Variants in PHF2 observed in about 807,000 individuals in gnomAD.
PHF2 encodes the protein lysine-specific demethylase PHF2.
In PHF2, 27 loss-of-function variants were observed where a neutral mutation model predicts 120.5. That is an observed-to-expected ratio of 0.22 (90% confidence interval 0.17 to 0.31). The LOEUF is 0.31. Ranked by LOEUF, PHF2 falls within the 10% of genes least tolerant of loss-of-function variation. PHF2 has a pLI of 1.00. For missense variants in PHF2, 1,024 were observed against 1,434.8 expected (o/e 0.71, Z 4.63); for synonymous variants, 568 against 592.5 (o/e 0.96, Z 0.60).
chr9:93,645,574 C>G (rs1826242198), intron 3 of PHF2, 55 bp from the exon 4 acceptor site: 1 of 1,496,204 alleles, frequency 6.7e-7, no homozygotes, highest in South Asian at 1.3e-5. Context: ...CCACACCTGT[C>G]CCGGTGCAGG....
At chr9:93,675,284 G>A (rs550725848) in intron 19 of PHF2, among the ~76,000 whole-genome samples, 2 of 152,342 alleles carry the variant, frequency 1.3e-5, no homozygotes, top group East Asian at 1.9e-4. Flanking sequence ...TCCTCTGGCT[G>A]GCTCCTCTCT....
chr9:93,666,139 A>G, intron 16 of PHF2, 79 bp downstream of exon 16: 2 of 1,486,554 alleles, frequency 1.3e-6, no homozygotes, highest in Non-Finnish European at 9.3e-7. Context: ...GAGTGACTCC[A>G]GGGCGGTCTC....
At position 93,655,814 on chromosome 9, in the gene PHF2, G is replaced by A. The variant is rs1171097979; in HGVS notation, c.953-120G>A. ...ACCAAGGTGTAGGCGGGCAGGAGCTGGAGCCTGGGCTGGGCCGGGAAAGGC... is the reference window on the plus strand; with the variant it reads ...ACCAAGGTGTAGGCGGGCAGGAGCTAGAGCCTGGGCTGGGCCGGGAAAGGC... On this transcript the variant is annotated intron_variant, in intron 7 of 21. Transcript: ENST00000359246. 8 of 687,512 alleles carry A rather than the reference G, an allele frequency of 1.2e-5. No individual in the cohort carries two copies. The East Asian group carries it at 2.3e-4, about 20-fold the overall frequency. 42.6% of individuals were successfully genotyped at this position (687,512 alleles called of 1,614,324 possible). A position where few individuals can be genotyped will look rare whatever the true frequency, so the allele number is the denominator to read the frequency against.
At chr9:93,603,257 G>T (rs1825478400) in intron 1 of PHF2, among the ~76,000 whole-genome samples, 1 of 152,158 alleles carries the variant, frequency 6.6e-6, no homozygotes, top group East Asian at 1.9e-4. Context: ...AGACCCCAGG[G>T]TCAGAGGCAC....
At chr9:93,657,372 C>G (rs891020129) in intron 9 of PHF2, among the ~76,000 whole-genome samples, 2 of 152,164 alleles carry the variant, frequency 1.3e-5, no homozygotes, top group Admixed American at 6.5e-5. Flanking sequence ...TCCCACTGTT[C>G]CCCAAATCTG....
chr9:93,651,451 G>A lies in PHF2; in HGVS notation c.603-1728G>A, dbSNP rs535698453. 3.3e-5 allele frequency among the ~76,000 whole-genome samples: 5 copies of A among 152,286 alleles called. No individual in the cohort carries two copies. In the East Asian group the frequency reaches 9.7e-4, roughly 29 times the overall value. On this transcript the variant is annotated intron_variant, in intron 5 of 21. Transcript: ENST00000359246. ...TTTTGTTGGGCACTTACCTACCAGA[G>A]CCTTCACATGGGCTTGGGTCGGGTC...
In PHF2 at chr9:93,679,042, T is replaced by C. The variant is rs1826973627; in HGVS notation, c.*1366T>C. The C allele has an allele frequency of 6.0e-6, 2 of 336,014 alleles. No homozygotes were observed. The highest frequency in any genetic ancestry group is 2.2e-5 in the African/African-American group (1 of 45,422). The allele number at this position is 336,014 out of a possible 1,614,324, so 20.8% of individuals were successfully genotyped here. A position where few individuals can be genotyped will look rare whatever the true frequency, so the allele number is the denominator to read the frequency against. On this transcript the variant is annotated 3_prime_UTR_variant, in exon 22 of 22. Transcript: ENST00000359246. Reference sequence around the variant, plus strand: ...ATACCAGCTCTTTGTTTTCCTTGTATGATGAGGGGATTGGGGGATACAGTT... The same window carrying C: ...ATACCAGCTCTTTGTTTTCCTTGTACGATGAGGGGATTGGGGGATACAGTT...
chr9:93,614,983 G>GTGA (rs766510334), intron 1 of PHF2, among the ~76,000 whole-genome samples: 6 of 151,166 alleles, frequency 4.0e-5, no homozygotes, highest in Admixed American at 6.6e-5. Context: ...GACGGTAATG[G>GTGA]TGATGATGAT....
chr9:93,670,795 C>A (rs1278702367), intron 17 of PHF2, among the ~76,000 whole-genome samples: 3 of 152,096 alleles, frequency 2.0e-5, no homozygotes, highest in Non-Finnish European at 4.4e-5. Context: ...CCAGTGTAGA[C>A]AGGAGGAGGT....
intron 1 of PHF2, among the ~76,000 whole-genome samples, chr9:93,606,158 T>C (rs1035644011): frequency 2.6e-5 from 4 of 152,082 alleles, no homozygotes; most frequent in African/African-American, 9.7e-5. Flanking sequence ...TTTGTAGAGA[T>C]GGGGTTTTGC....
chr9:93,612,039 A>G (rs1385785772), intron 1 of PHF2, among the ~76,000 whole-genome samples: 1 of 152,170 alleles, frequency 6.6e-6, no homozygotes, highest in African/African-American at 2.4e-5. Context: ...ATTTCCTTCA[A>G]TCTTCCACAC....
chr9:93,630,481 G>A (rs142256042), intron 2 of PHF2, among the ~76,000 whole-genome samples: 1,622 of 152,292 alleles, frequency 0.011, 28 homozygotes, highest in South Asian at 0.083. Flanking sequence ...TGCATTGTTG[G>A]TGGGCTCTGT....
At chr9:93,616,574 T>G (rs1009252874) in intron 1 of PHF2, among the ~76,000 whole-genome samples, 1 of 152,030 alleles carries the variant, frequency 6.6e-6, no homozygotes, top group Non-Finnish European at 1.5e-5. Context: ...CAAAGTAAGG[T>G]GAAGGCTCTG....
chr9:93,624,993 A>G (rs1825888618), intron 1 of PHF2, among the ~76,000 whole-genome samples: 1 of 152,242 alleles, frequency 6.6e-6, no homozygotes, highest in Non-Finnish European at 1.5e-5. Flanking sequence ...ATAGCATAAT[A>G]TTAATTGTTT....
rs948752672 is a variant in PHF2, at chr9:93,656,962, G to A, written c.1147+367G>A. Among the ~76,000 whole-genome samples, 9 of 152,120 alleles carry A rather than the reference G, an allele frequency of 5.9e-5. No individual in the cohort carries two copies. Among genetic ancestry groups the A allele is most frequent in the Admixed American group, 1.3e-4 (2 of 15,276 alleles). ...CTGTCACCAGCTGAGGAGTGGGTGC[G>A]AGTGGGCTCTGGGTCCCCTTAGGCT... On this transcript the variant is annotated intron_variant, in intron 9 of 21. Coordinates refer to ENST00000359246, the MANE Select transcript of PHF2 (RefSeq NM_005392.4). The surrounding 1 kb of genome is among the most constrained non-coding windows in gnomAD (Gnocchi z 4.1).
At chr9:93,602,866 C>T (rs956748853) in intron 1 of PHF2, among the ~76,000 whole-genome samples, 3 of 152,294 alleles carry the variant, frequency 2.0e-5, no homozygotes, top group Admixed American at 2.0e-4. Context: ...GGCCTAGCCT[C>T]AGGGCAGACT....
chr9:93,649,408 G>A (rs1336108467), intron 5 of PHF2, among the ~76,000 whole-genome samples, 196 bp downstream of exon 5: 4 of 123,276 alleles, frequency 3.2e-5, no homozygotes, highest in African/African-American at 1.3e-4. Context: ...TATAAGACTG[G>A]CCCACAGCTG....
In PHF2 at chr9:93,659,615, A is replaced by G; in HGVS notation, c.1329+15A>G. On this transcript the variant is annotated intron_variant, in intron 11 of 21. Transcript: ENST00000359246. ...GGCTCAGTGAGGTGGGGCCGTGTCCAGGTGCTGGGCTGGACCCCTGGGGAT... is the reference window on the plus strand; with the variant it reads ...GGCTCAGTGAGGTGGGGCCGTGTCCGGGTGCTGGGCTGGACCCCTGGGGAT... 1 of 1,611,768 alleles carries G rather than the reference A, an allele frequency of 6.2e-7. No homozygotes were observed. Among genetic ancestry groups the G allele is most frequent in the Admixed American group, 1.7e-5 (1 of 59,966 alleles).
At position 93,656,100 on chromosome 9, in the gene PHF2, T is replaced by A; in HGVS notation, c.1040+79T>A. On this transcript the variant is annotated intron_variant, in intron 8 of 21. Coordinates refer to ENST00000359246, the MANE Select transcript of PHF2 (RefSeq NM_005392.4). The surrounding 1 kb of genome is among the most constrained non-coding windows in gnomAD (Gnocchi z 4.1). ...CTAGCTGGGTCGGTGCTAGATGCCT[T>A]GGGCTGAGTCCTGGCACAGCCCGCC... The A allele has an allele frequency of 8.3e-7, 1 of 1,199,198 alleles. No individual in the cohort carries two copies. Among genetic ancestry groups the A allele is most frequent in the Non-Finnish European group, 1.2e-6 (1 of 833,918 alleles). 74.3% of individuals were successfully genotyped at this position (1,199,198 alleles called of 1,614,324 possible).
Sources: allele counts gnomAD v4.1 joint callset (sites outside exome capture counted in the v4.1 genomes callset), GRCh38; gene constraint gnomAD v4.1.1; non-coding constraint Gnocchi (gnomAD v3.1); transcripts MANE v1.5; gene names NCBI Gene and HGNC (gene_info 2026-07-23, HGNC 2026-07-21).